Variants in ALS2 observed in about 807,000 individuals in gnomAD.
ALS2 encodes the protein alsin.
In ALS2, 117 loss-of-function variants were observed where a neutral mutation model predicts 203.4. That is an observed-to-expected ratio of 0.58 (90% confidence interval 0.50 to 0.67). The LOEUF (loss-of-function observed/expected upper bound fraction) is 0.67, where lower values mean the gene tolerates loss of function less well. Among genes scored for constraint, ALS2 ranks in the 30% least tolerant of loss-of-function variants. ALS2 has a pLI of 0.00. For missense variants in ALS2, 1,715 were observed against 1,989.4 expected, an observed-to-expected ratio of 0.86 and a Z score of 2.62; for synonymous variants, 718 against 725.9, an observed-to-expected ratio of 0.99 and a Z score of 0.17.
rs1479734077 is a variant in ALS2 at position 201,729,038 on chromosome 2, C to A, written c.2712+14G>T. ...TGTTTGCTAGGGTAACAAATGACAA[C>A]TGGCATGGCTTACCGTCATTTTTCC... On this transcript the variant is annotated intron_variant, in intron 14 of 33. Transcript: ENST00000264276. 6.2e-7 allele frequency: 1 copy of A among 1,614,078 alleles called. No individual in the cohort carries two copies. The highest frequency in any genetic ancestry group is 8.5e-7 in the Non-Finnish European group (1 of 1,179,980).
intron 4 of ALS2, among the ~76,000 whole-genome samples, chr2:201,758,653 C>T (rs149191676): frequency 6.6e-6 from 1 of 152,180 alleles, no homozygotes; most frequent in East Asian, 1.9e-4. Flanking sequence ...CAGCATAGAT[C>T]ATATTGAAAA....
chr2:201,752,317 G>A (rs983911499), intron 7 of ALS2, among the ~76,000 whole-genome samples: 4 of 151,926 alleles, frequency 2.6e-5, no homozygotes, highest in African/African-American at 4.8e-5. Context: ...AACACTTTTG[G>A]TGTAGTTCTG....
intron 1 of ALS2, chr2:201,778,404 A>C (rs1229243572): frequency 2.0e-5 from 3 of 152,136 alleles, no homozygotes; most frequent in Non-Finnish European, 4.4e-5. Context: ...CAATAGCTCC[A>C]AAAACTACCA....
chr2:201,705,555 C>A lies in ALS2; in HGVS notation c.4581-94G>T. The A allele has an allele frequency of 5.2e-6, 5 of 963,680 alleles. No homozygotes were observed. In the South Asian group the frequency reaches 7.1e-5, roughly 14 times the overall value. The allele number at this position is 963,680 out of a possible 1,614,324, so 59.7% of individuals were successfully genotyped here. A position where few individuals can be genotyped will look rare whatever the true frequency, so the allele number is the denominator to read the frequency against. On this transcript the variant is annotated intron_variant, in intron 29 of 33. Transcript: ENST00000264276. Reference sequence around the variant, plus strand: ...TTGACAGCTATATTGGCTTCCTTGTCCCCATTAAAAAGAACTGCTCCACAA... The same window carrying A: ...TTGACAGCTATATTGGCTTCCTTGTACCCATTAAAAAGAACTGCTCCACAA...
rs1168095284 is a variant in ALS2, at chr2:201,723,429, A to G, written c.3525T>C (p.Tyr1175=). ...VFDDITRGEK[Y]MGMWQDDVCQ... The stretch of plus-strand genomic sequence containing the variant: ...ACACATCATCTTGCCACATTCCCAT[A>G]TACTTTTCCCCCCTGCACAGAAATA... Residue 1175 remains tyrosine (Y), a synonymous_variant, in exon 22 of 34, where the codon TAT becomes TAC. Coordinates refer to ENST00000264276, the MANE Select transcript of ALS2 (RefSeq NM_020919.4). 4 of 1,613,706 alleles carry G rather than the reference A, an allele frequency of 2.5e-6. No homozygotes were observed. The highest frequency in any genetic ancestry group is 3.4e-6 in the Non-Finnish European group (4 of 1,179,592).
At chr2:201,751,712 G>A (rs932484892) in intron 7 of ALS2, among the ~76,000 whole-genome samples, 1 of 152,058 alleles carries the variant, frequency 6.6e-6, no homozygotes. Flanking sequence ...TTGATGTTAT[G>A]TCTTTTTCTA....
chr2:201,772,850 A>ATTTTTTTT (rs578253808), intron 1 of ALS2, among the ~76,000 whole-genome samples: 5 of 108,848 alleles, frequency 4.6e-5, no homozygotes, highest in African/African-American at 3.6e-5. Flanking sequence ...TGCTTTCATG[A>ATTTTTTTT]TTTTTTTTTT....
Position 201,706,737 on chromosome 2 carries a change from T to A in ALS2, c.4580+109A>T, listed in dbSNP as rs1000874424. 3.5e-6 allele frequency: 4 copies of A among 1,143,620 alleles called. No individual in the cohort carries two copies. The African/African-American group carries it at 4.7e-5, about 13-fold the overall frequency. 70.8% of individuals were successfully genotyped at this position (1,143,620 alleles called of 1,614,324 possible). ...TGTTAAAGAAGACATATGCAAAAAATAATTACAAGCCATATATATAATTAG... is the reference window on the plus strand; with the variant it reads ...TGTTAAAGAAGACATATGCAAAAAAAAATTACAAGCCATATATATAATTAG... On this transcript the variant is annotated intron_variant, in intron 29 of 33. Coordinates refer to ENST00000264276, the MANE Select transcript of ALS2 (RefSeq NM_020919.4).
intron 4 of ALS2, 52 bp from the exon 5 acceptor site, chr2:201,757,811 C>T (rs552614799): frequency 4.9e-5 from 67 of 1,364,962 alleles, no homozygotes; most frequent in Admixed American, 1.0e-4. Flanking sequence ...CCTTATGCAA[C>T]AAGCAATCAA....
At chr2:201,713,223 A>G (rs6435097) in intron 25 of ALS2, among the ~76,000 whole-genome samples, 144,681 of 149,410 alleles carry the variant, frequency 0.97, 70,195 homozygotes, top group Middle Eastern at 1. Flanking sequence ...TGCAACCTCC[A>G]CCTTCCGAGT....
In ALS2 at chr2:201,701,533, C is replaced by G. The variant is rs1689389706; in HGVS notation, c.*318G>C. 1 of 223,088 alleles carries G rather than the reference C, an allele frequency of 4.5e-6. No individual in the cohort carries two copies. The allele number at this position is 223,088 out of a possible 1,614,324, so 13.8% of individuals were successfully genotyped here. The stretch of plus-strand genomic sequence containing the variant: ...AAGCTTTTCTTACAACTTCATGTAG[C>G]TGACATACCCTTTACTGTAGGAAGG... On this transcript the variant is annotated 3_prime_UTR_variant, in exon 34 of 34. Transcript: ENST00000264276.
rs759834470 is a variant in ALS2 at position 201,746,724 on chromosome 2, T to C, written c.1840A>G (p.Ser614Gly). ...AKISSENGVW[S>G]IAAGRDYSLF... ...GAATAATCCCTGCCTGCAGCTATGC[T>C]CCAGACTCCATTTTCACTGCTTATC... The change falls in exon 9 of 34, where the codon AGC becomes GGC. Residue 614 changes from serine to glycine, a missense_variant. Around this residue, in one of 3 missense-constraint regions of ALS2, gnomAD observed 1,227 missense variants for 1,413.5 expected, o/e 0.87. Coordinates refer to ENST00000264276, the MANE Select transcript of ALS2 (RefSeq NM_020919.4). 1.2e-6 allele frequency: 2 copies of C among 1,614,168 alleles called. No individual in the cohort carries two copies. The highest frequency in any genetic ancestry group is 4.5e-5 in the East Asian group (2 of 44,874).
intron 3 of ALS2, among the ~76,000 whole-genome samples, chr2:201,763,904 A>G (rs1037650940): frequency 1.3e-5 from 2 of 152,078 alleles, no homozygotes; most frequent in Admixed American, 1.3e-4. Context: ...TTTCTTTTCC[A>G]TATGACCAGA....
In ALS2 at chr2:201,741,850, A is replaced by T. The variant is rs770422704; in HGVS notation, c.2175T>A (p.Asn725Lys). The T allele has an allele frequency of 6.2e-7, 1 of 1,612,144 alleles. No individual in the cohort carries two copies. Among genetic ancestry groups the T allele is most frequent in the Non-Finnish European group, 8.5e-7 (1 of 1,178,486 alleles). The change falls in exon 11 of 34, where the codon AAT (asparagine) becomes AAA (lysine). Residue 725 changes from asparagine to lysine, a missense_variant. Transcript: ENST00000264276. ...QILRPLLSLE[N>K]LGTTTTVQLL... ...GCTGGACTGTAGTTGTAGTGCCCAA[A>T]TTTTCTATAACAAAATAATGATGAT...
rs1255430651 is a variant in ALS2 at position 201,723,322 on chromosome 2, C to T, written c.3624+8G>A. On this transcript the variant is annotated splice_region_variant and intron_variant, in intron 22 of 33. Coordinates refer to ENST00000264276, the MANE Select transcript of ALS2 (RefSeq NM_020919.4). ...TTAGTAATAACTACATGCAAATATT[C>T]CACTCACCATCATTTTATTAAGGTG... 1 of 1,589,150 alleles carries T rather than the reference C, an allele frequency of 6.3e-7. No homozygotes were observed. The highest frequency in any genetic ancestry group is 1.3e-5 in the African/African-American group (1 of 74,370).
At chr2:201,732,259 C>A (rs1296522624) in intron 13 of ALS2, among the ~76,000 whole-genome samples, 1 of 151,972 alleles carries the variant, frequency 6.6e-6, no homozygotes, top group Non-Finnish European at 1.5e-5. Flanking sequence ...TAAGAGGATT[C>A]TAAACCTACA....
At chr2:201,712,168 T>G (rs1326758044) in intron 25 of ALS2, among the ~76,000 whole-genome samples, 2 of 152,240 alleles carry the variant, frequency 1.3e-5, no homozygotes, top group African/African-American at 4.8e-5. Flanking sequence ...ATGGTTTACT[T>G]TAAGTATCAA....
chr2:201,779,383 T>G (rs911523520), intron 1 of ALS2, among the ~76,000 whole-genome samples: 34 of 152,262 alleles, frequency 2.2e-4, no homozygotes, highest in African/African-American at 7.7e-4. Context: ...CTGCTAATAC[T>G]GGTCATAGTT....
intron 17 of ALS2, 123 bp from the exon 18 acceptor site, chr2:201,726,989 GAGTA>G: frequency 1.1e-6 from 1 of 932,594 alleles, no homozygotes; most frequent in Non-Finnish European, 1.7e-6. Flanking sequence ...CTTATTAATA[GAGTA>G]ATATTGACTG....
Sources: allele counts gnomAD v4.1 joint callset (sites outside exome capture counted in the v4.1 genomes callset), GRCh38; gene constraint gnomAD v4.1.1; regional missense constraint gnomAD v4.1.1; transcripts MANE v1.5; gene names NCBI Gene and HGNC (gene_info 2026-07-23, HGNC 2026-07-21).